The following PRKD1 variants were observed in gnomAD, a reference collection of about 807,000 sequenced individuals.
PRKD1 encodes serine/threonine-protein kinase D1.
Under a neutral mutation model 95.9 loss-of-function variants are expected in PRKD1, and 63 were observed. The observed-to-expected ratio is 0.66, with a 90% CI of 0.54 to 0.81. The LOEUF (loss-of-function observed/expected upper bound fraction) is 0.81, where lower values mean the gene tolerates loss of function less well. Among genes scored for constraint, PRKD1 ranks in the 30% least tolerant of loss-of-function variants. PRKD1 has a pLI of 0.00. For synonymous variants in PRKD1, 425 were observed against 423.1 expected, an observed-to-expected ratio of 1.00 and a Z score of -0.05; for missense variants, 1,048 against 1,165.3, an observed-to-expected ratio of 0.90 and a Z score of 1.47.
intron 8 of PRKD1, among the ~76,000 whole-genome samples, chr14:29,634,036 G>A (rs764859199): frequency 2.0e-5 from 3 of 152,174 alleles, no homozygotes; most frequent in African/African-American, 4.8e-5. Context: ...AAGGACTTAC[G>A]AAGTATAAGA....
intron 2 of PRKD1, among the ~76,000 whole-genome samples, chr14:29,717,944 T>C (rs1317357131): frequency 6.6e-6 from 1 of 152,086 alleles, no homozygotes; most frequent in Non-Finnish European, 1.5e-5. Flanking sequence ...ATCTCCTCCC[T>C]GGAGAATCCA....
At chr14:29,597,825 T>A in intron 15 of PRKD1, 67 bp from the exon 16 acceptor site, 2 of 1,448,602 alleles carry the variant, frequency 1.4e-6, no homozygotes, top group Non-Finnish European at 1.9e-6. Flanking sequence ...TTAGTTCAGA[T>A]TCACCAGATA....
chr14:29,913,937 G>A (rs10134144), intron 1 of PRKD1, among the ~76,000 whole-genome samples: 3,614 of 152,252 alleles, frequency 0.024, 150 homozygotes, highest in African/African-American at 0.082. Flanking sequence ...CCAGTAACTC[G>A]TGAAAAGAGA....
At chr14:29,665,039 G>A (rs988077504) in intron 3 of PRKD1, among the ~76,000 whole-genome samples, 1 of 152,114 alleles carries the variant, frequency 6.6e-6, no homozygotes, top group Admixed American at 6.6e-5. Context: ...CACATGATAA[G>A]GGAGAAAAGA....
At chr14:29,663,158 T>TATATATAC (rs1555333202) in intron 4 of PRKD1, among the ~76,000 whole-genome samples, 2 of 146,102 alleles carry the variant, frequency 1.4e-5, no homozygotes, top group Admixed American at 1.4e-4. Context: ...CATATATATA[T>TATATATAC]ATATATATAT....
chr14:29,812,268 C>A (rs1220095700), intron 1 of PRKD1, among the ~76,000 whole-genome samples: 1 of 152,270 alleles, frequency 6.6e-6, no homozygotes, highest in Admixed American at 6.5e-5. Context: ...TAAAAGGACA[C>A]ATACAACATA....
At chr14:29,593,658 C>G (rs1453188411) in intron 16 of PRKD1, among the ~76,000 whole-genome samples, 1 of 152,164 alleles carries the variant, frequency 6.6e-6, no homozygotes, top group South Asian at 2.1e-4. Flanking sequence ...TAAAGTAAAG[C>G]AGAGCTGAGA....
intron 1 of PRKD1, among the ~76,000 whole-genome samples, chr14:29,773,246 A>G (rs1277615238): frequency 2.0e-5 from 3 of 152,138 alleles, no homozygotes; most frequent in Non-Finnish European, 4.4e-5. Context: ...GAATCACTGG[A>G]GGTCAGGAGT....
At chr14:29,584,742 G>T (rs2138964915) in intron 16 of PRKD1, among the ~76,000 whole-genome samples, 1 of 152,290 alleles carries the variant, frequency 6.6e-6, no homozygotes, top group African/African-American at 2.4e-5. Context: ...TTTCTGGATG[G>T]TAGGGCATCA....
chr14:29,739,523 C>T (rs1052484544), intron 1 of PRKD1, among the ~76,000 whole-genome samples: 3 of 151,962 alleles, frequency 2.0e-5, no homozygotes, highest in African/African-American at 7.2e-5. Flanking sequence ...ATATCTAAGA[C>T]AAAAAAGAAT....
Position 29,793,601 on chromosome 14 carries a change from T to C in PRKD1, c.265-67927A>G, listed in dbSNP as rs1297973118. Among the ~76,000 whole-genome samples the C allele has an allele frequency of 4.6e-5, 7 of 152,142 alleles. No individual in the cohort carries two copies. In the East Asian group the frequency reaches 1.4e-3, roughly 29 times the overall value. On this transcript the variant is annotated intron_variant, in intron 1 of 17. Transcript: ENST00000331968. The stretch of plus-strand genomic sequence containing the variant: ...ATGGGAGCAATGTTCAAAATAATCA[T>C]GTGCATGAACAGTGAGTATTTCTTA...
At chr14:29,625,086 C>T (rs1337459749) in intron 12 of PRKD1, among the ~76,000 whole-genome samples, 1 of 152,108 alleles carries the variant, frequency 6.6e-6, no homozygotes, top group Admixed American at 6.6e-5. Flanking sequence ...TCCAGTCTTC[C>T]AACACTTGTA....
chr14:29,619,658 G>A (rs746322558), intron 13 of PRKD1, among the ~76,000 whole-genome samples: 98 of 152,260 alleles, frequency 6.4e-4, no homozygotes, highest in African/African-American at 2.3e-3. Flanking sequence ...GAGAAGTATG[G>A]AGAAGGGGGT....
At chr14:29,805,734 C>T (rs1423475176) in intron 1 of PRKD1, among the ~76,000 whole-genome samples, 1 of 152,170 alleles carries the variant, frequency 6.6e-6, no homozygotes, top group East Asian at 1.9e-4. Flanking sequence ...GTGGTAGAGC[C>T]AAGAGCCAGG....
At chr14:29,626,899 G>C (rs751702607) in intron 11 of PRKD1, among the ~76,000 whole-genome samples, 1 of 152,004 alleles carries the variant, frequency 6.6e-6, no homozygotes, top group Non-Finnish European at 1.5e-5. Flanking sequence ...ATTTTTAGTA[G>C]AGATGGGGTT....
intron 1 of PRKD1, among the ~76,000 whole-genome samples, chr14:29,744,640 G>A (rs111363571): frequency 0.037 from 5,652 of 152,160 alleles, 153 homozygotes; most frequent in Non-Finnish European, 0.054. Context: ...TCTACCTCCC[G>A]GGTTCAAGTG....
intron 13 of PRKD1, among the ~76,000 whole-genome samples, chr14:29,614,799 C>T (rs1460165115): frequency 2.7e-5 from 4 of 150,814 alleles, no homozygotes; most frequent in South Asian, 2.1e-4. Context: ...CCAAGGTTCT[C>T]GTGCTTCAAC....
chr14:29,797,113 A>T (rs1889850956), intron 1 of PRKD1, among the ~76,000 whole-genome samples: 1 of 152,206 alleles, frequency 6.6e-6, no homozygotes, highest in Admixed American at 6.5e-5. Flanking sequence ...ATTAGACCAG[A>T]CCTACGATAA....
chr14:29,820,040 G>A (rs188626451), intron 1 of PRKD1, among the ~76,000 whole-genome samples: 1 of 152,168 alleles, frequency 6.6e-6, no homozygotes, highest in African/African-American at 2.4e-5. Flanking sequence ...TAATATGAAA[G>A]TCTCTCCAAA....
Sources: allele counts gnomAD v4.1 joint callset (sites outside exome capture counted in the v4.1 genomes callset), GRCh38; gene constraint gnomAD v4.1.1; transcripts MANE v1.5; gene names NCBI Gene and HGNC (gene_info 2026-07-23, HGNC 2026-07-21).